SNTG1: variants seen among roughly 807,000 people sequenced by gnomAD.
SNTG1 encodes the protein gamma-1-syntrophin.
SNTG1 carries 39 observed loss-of-function variants against 74.7 expected under a neutral mutation model. The ratio of observed to expected loss-of-function variants is 0.52; its 90% confidence interval spans 0.40 to 0.68. The LOEUF (loss-of-function observed/expected upper bound fraction) is 0.68, where lower values mean the gene tolerates loss of function less well. Ranked by LOEUF, SNTG1 falls within the 30% of genes least tolerant of loss-of-function variation. The pLI is 0.00. For synonymous variants in SNTG1, 254 were observed against 217.1 expected (o/e 1.17, Z -1.49); for missense variants, 685 against 609.5 (o/e 1.12, Z -1.30).
intron 17 of SNTG1, among the ~76,000 whole-genome samples, chr8:50,723,504 T>C (rs2095492641): frequency 6.6e-6 from 1 of 152,212 alleles, no homozygotes; most frequent in Non-Finnish European, 1.5e-5. Context: ...CATAGGCTTT[T>C]ATAAGCTCTC....
At chr8:50,226,803 G>A (rs533691791) in intron 2 of SNTG1, among the ~76,000 whole-genome samples, 8 of 152,184 alleles carry the variant, frequency 5.3e-5, no homozygotes, top group Non-Finnish European at 1.0e-4. Flanking sequence ...TTGTAGTCAG[G>A]CCCTCCTGAG....
At chr8:50,709,978 C>G (rs560597669) in intron 17 of SNTG1, among the ~76,000 whole-genome samples, 2 of 152,020 alleles carry the variant, frequency 1.3e-5, no homozygotes, top group African/African-American at 4.8e-5. Flanking sequence ...AACAGTGATA[C>G]GAATGTGTAA....
chr8:50,039,838 A>G (rs1415455245), intron 1 of SNTG1, among the ~76,000 whole-genome samples: 1 of 152,202 alleles, frequency 6.6e-6, no homozygotes, highest in Non-Finnish European at 1.5e-5. Context: ...CCCGTAAGTC[A>G]TGATTCAGAA....
chr8:50,687,141 CAAA>C (rs1167132296), intron 15 of SNTG1, among the ~76,000 whole-genome samples: 2 of 64,244 alleles, frequency 3.1e-5, no homozygotes, highest in Non-Finnish European at 5.4e-5. Context: ...GACTCCGTCT[CAAA>C]AAAAAAAAAT....
At chr8:50,791,517 C>T (rs34473019) in intron 18 of SNTG1, among the ~76,000 whole-genome samples, 30,947 of 151,498 alleles carry the variant, frequency 0.2, 3,281 homozygotes, top group South Asian at 0.33. Flanking sequence ...AAATACTCCT[C>T]GGATGAATTA....
intron 12 of SNTG1, among the ~76,000 whole-genome samples, chr8:50,581,605 T>C (rs1489895713): frequency 6.6e-6 from 1 of 152,126 alleles, no homozygotes; most frequent in African/African-American, 2.4e-5. Flanking sequence ...CTAAAAAAAA[T>C]TAGAGATTAG....
intron 13 of SNTG1, among the ~76,000 whole-genome samples, chr8:50,640,878 C>A (rs2095068334): frequency 6.6e-6 from 1 of 152,160 alleles, no homozygotes; most frequent in Non-Finnish European, 1.5e-5. Context: ...TGTAGCCCCT[C>A]TTGTGCCCCA....
At chr8:50,590,379 A>G (rs767462806) in intron 12 of SNTG1, among the ~76,000 whole-genome samples, 3 of 152,140 alleles carry the variant, frequency 2.0e-5, no homozygotes, top group Non-Finnish European at 2.9e-5. Context: ...TTAAATTCTT[A>G]TAAAATGTCA....
intron 12 of SNTG1, among the ~76,000 whole-genome samples, chr8:50,566,112 T>C (rs560712565): frequency 6.6e-6 from 1 of 152,106 alleles, no homozygotes; most frequent in East Asian, 1.9e-4. Flanking sequence ...TAAATGTCCA[T>C]CCTCTTATCA....
intron 4 of SNTG1, among the ~76,000 whole-genome samples, chr8:50,406,256 A>C (rs908695123): frequency 6.6e-6 from 1 of 152,042 alleles, no homozygotes; most frequent in African/African-American, 2.4e-5. Flanking sequence ...CAAGTCTTTC[A>C]ACCCCTTGCT....
chr8:50,763,860 C>A (rs2095606126), intron 18 of SNTG1, among the ~76,000 whole-genome samples: 2 of 2,620 alleles, frequency 7.6e-4, no homozygotes. Context: ...TACAGAAACA[C>A]ACACACACAC....
intron 8 of SNTG1, among the ~76,000 whole-genome samples, chr8:50,491,694 CTTATTTATTTATTTATTTAT>C (rs113358818): frequency 4.0e-5 from 6 of 150,512 alleles, no homozygotes; most frequent in South Asian, 4.2e-4. Flanking sequence ...TGATCCAGAA[CTTATTTATTTATTTATTTAT>C]TTATTTATTT....
At chr8:50,277,916 G>A (rs986787236) in intron 2 of SNTG1, among the ~76,000 whole-genome samples, 3 of 152,220 alleles carry the variant, frequency 2.0e-5, no homozygotes, top group Non-Finnish European at 4.4e-5. Context: ...GCTCACACCT[G>A]TAATCCCAGC....
intron 2 of SNTG1, among the ~76,000 whole-genome samples, chr8:50,380,124 T>C (rs937653015): frequency 2.0e-5 from 3 of 152,234 alleles, no homozygotes; most frequent in Admixed American, 6.5e-5. Flanking sequence ...CACTATTATA[T>C]TGATTTTTTA....
At chr8:50,706,127 A>G (rs2095442644) in intron 16 of SNTG1, among the ~76,000 whole-genome samples, 1 of 152,232 alleles carries the variant, frequency 6.6e-6, no homozygotes, top group Non-Finnish European at 1.5e-5. Context: ...GGAAGAGGAC[A>G]GAAAGAAAAC....
chr8:50,196,518 G>T (rs1026833809), intron 2 of SNTG1, among the ~76,000 whole-genome samples: 4 of 151,986 alleles, frequency 2.6e-5, no homozygotes, highest in African/African-American at 9.7e-5. Context: ...TCTCTCATTT[G>T]TTTTGGATTA....
At chr8:50,103,169 A>G (rs1421826284) in intron 1 of SNTG1, among the ~76,000 whole-genome samples, 1 of 152,084 alleles carries the variant, frequency 6.6e-6, no homozygotes, top group Non-Finnish European at 1.5e-5. Flanking sequence ...CATTTTCACG[A>G]TATTGATTCT....
At chr8:50,096,319 A>G (rs1323403947) in intron 1 of SNTG1, among the ~76,000 whole-genome samples, 2 of 152,172 alleles carry the variant, frequency 1.3e-5, no homozygotes, top group Non-Finnish European at 2.9e-5. Flanking sequence ...AATAGTTCAA[A>G]TTTGTTTCAT....
chr8:50,230,227 C>A (rs987845575), intron 2 of SNTG1, among the ~76,000 whole-genome samples: 1 of 151,128 alleles, frequency 6.6e-6, no homozygotes, highest in Admixed American at 6.6e-5. Flanking sequence ...ATCAATGAAA[C>A]TGAAAACAGA....
Sources: gnomAD v4.1 joint callset for allele counts (sites outside exome capture counted in the v4.1 genomes callset) on GRCh38, gnomAD v4.1.1 for gene constraint, MANE v1.5 for transcripts, NCBI Gene and HGNC (gene_info 2026-07-23, HGNC 2026-07-21) for gene names.